Variants in HMCN2 observed in about 807,000 individuals in gnomAD.
The protein encoded by HMCN2 is hemicentin 2.
In HMCN2, 325 loss-of-function variants were observed where a neutral mutation model predicts 377.5. The observed-to-expected ratio is 0.86, with a 90% confidence interval of 0.79 to 0.94. The LOEUF (loss-of-function observed/expected upper bound fraction) is 0.94, where lower values mean the gene tolerates loss of function less well. Ranked by LOEUF, HMCN2 falls within the 40% of genes least tolerant of loss-of-function variation. The pLI is 0.00. For missense variants in HMCN2, 4,543 were observed against 4,725.3 expected, an observed-to-expected ratio of 0.96 and a Z score of 1.13; for synonymous variants, 2,007 against 2,046.8, an observed-to-expected ratio of 0.98 and a Z score of 0.53.
Position 130,364,845 on chromosome 9 carries a change from C to A in HMCN2, c.6364C>A (p.Pro2122Thr), listed in dbSNP as rs1840606021. The A allele has an allele frequency of 1.0e-6, 1 of 985,918 alleles. No homozygotes were observed. Among genetic ancestry groups the A allele is most frequent in the African/African-American group, 1.7e-5 (1 of 57,256 alleles). The allele number at this position is 985,918 out of a possible 1,614,324, so 61.1% of individuals were successfully genotyped here. A position where few individuals can be genotyped will look rare whatever the true frequency, so the allele number is the denominator to read the frequency against. Residue 2122 changes from proline (P) to threonine (T), a missense_variant, in exon 41 of 98, where the codon CCA (proline) becomes ACA (threonine). Coordinates refer to ENST00000683500, the MANE Select transcript of HMCN2 (RefSeq NM_001291815.2). ...GTGGAAGGACGGGCGGCCCCTGGAA[C>A]CACGGCCTGGAGTCCACCTCTCCGC... ...SWWKDGRPLE[P>T]RPGVHLSADK...
chr9:130,423,036 A>G lies in HMCN2; in HGVS notation c.13381+310A>G, dbSNP rs928866392. On this transcript the variant is annotated intron_variant, in intron 87 of 97. Coordinates refer to ENST00000683500, the MANE Select transcript of HMCN2 (RefSeq NM_001291815.2). This position sits in a 1 kb window ranked among gnomAD's most constrained non-coding sequence, Gnocchi z 5.5. ...CGCTCAGATTGTGGTTTCCCAAGCC[A>G]CCGATGGCTCCCTGAGGCTTTTCCC... Among the ~76,000 whole-genome samples, 4 of 152,214 alleles carry G rather than the reference A, an allele frequency of 2.6e-5. No individual in the cohort carries two copies. The highest frequency in any genetic ancestry group is 9.6e-5 in the African/African-American group (4 of 41,460).
Position 130,390,964 on chromosome 9 carries a change from C to A in HMCN2, c.9524-13C>A, listed in dbSNP as rs1228166310. 10 of 986,460 alleles carry A rather than the reference C, an allele frequency of 1.0e-5. No homozygotes were observed. In the East Asian group the frequency reaches 1.0e-3, roughly 101 times the overall value. 61.1% of individuals were successfully genotyped at this position (986,460 alleles called of 1,614,324 possible). The stretch of plus-strand genomic sequence containing the variant: ...AGGGGCTGGGGGATTCAGGGGACCC[C>A]TCTGTCCCACAGAGAGCAGCGCGGT... On this transcript the variant is annotated splice_polypyrimidine_tract_variant and intron_variant, in intron 62 of 97. Transcript: ENST00000683500.
rs1274377191 is a variant in HMCN2 at position 130,397,178 on chromosome 9, GGAAAGGA to G, written c.11199-348_11199-342del. ...GGGAGGCCTCACAATCATGGTGGAA[GGAAAGGA>G]GGAACAAGTTACATCTTACGTGGAT... On this transcript the variant is annotated intron_variant, in intron 73 of 97. Transcript: ENST00000683500. 8.5e-5 allele frequency among the ~76,000 whole-genome samples: 13 copies of G among 152,370 alleles called. No individual in the cohort carries two copies. In the South Asian group the frequency reaches 1.4e-3, roughly 17 times the overall value.
At position 130,286,222 on chromosome 9, in the gene HMCN2, G is replaced by A. The variant is rs6478957; in HGVS notation, c.524G>A (p.Arg175His). The change falls in exon 4 of 98, where the codon CGC becomes CAC. Residue 175 changes from arginine to histidine, a missense_variant. Physicochemically the swap from Arg to His is conservative, Grantham distance 29 (BLOSUM62 0). Transcript: ENST00000683500. ...GTGCTGACGGGGGACTGTGGCGACC[G>A]CACCCATCCTGGCTACCTGGCTTAT... The part of the protein sequence containing the change: ...VFVLTGDCGD[R>H]THPGYLAYEE... The A allele has an allele frequency of 0.59, 278,446 of 470,668 alleles. 85,602 individuals carry two copies. Among genetic ancestry groups the A allele is most frequent in the East Asian group, 0.87 (12,433 of 14,352 alleles). 29.2% of individuals were successfully genotyped at this position (470,668 alleles called of 1,614,324 possible). A position where few individuals can be genotyped will look rare whatever the true frequency, so the allele number is the denominator to read the frequency against.
In HMCN2 at chr9:130,422,912, G is replaced by A. The variant is rs1844103857; in HGVS notation, c.13381+186G>A. Among the ~76,000 whole-genome samples, 1 of 152,158 alleles carries A rather than the reference G, an allele frequency of 6.6e-6. No individual in the cohort carries two copies. The highest frequency in any genetic ancestry group is 2.4e-5 in the African/African-American group (1 of 41,432). Reference sequence around the variant, plus strand: ...CAATCCAAAGTGGACTCAGATGCAGGCAACTTCCTGTCCCCCTCACAACCT... The same window carrying A: ...CAATCCAAAGTGGACTCAGATGCAGACAACTTCCTGTCCCCCTCACAACCT... On this transcript the variant is annotated intron_variant, in intron 87 of 97. Transcript: ENST00000683500. This position sits in a 1 kb window ranked among gnomAD's most constrained non-coding sequence, Gnocchi z 4.2.
chr9:130,321,001 G>C (rs1468003314), intron 18 of HMCN2, 98 bp downstream of exon 18: 1 of 152,274 alleles, frequency 6.6e-6, no homozygotes, highest in African/African-American at 2.4e-5. Flanking sequence ...CTGTTTCCCC[G>C]CCTGGGAGTG....
rs1411963775 is a variant in HMCN2 at position 130,366,007 on chromosome 9, G to A, written c.6625+12G>A. The A allele has an allele frequency of 1.0e-6, 1 of 985,896 alleles. No individual in the cohort carries two copies. Among genetic ancestry groups the A allele is most frequent in the Non-Finnish European group, 1.2e-6 (1 of 830,090 alleles). 61.1% of individuals were successfully genotyped at this position (985,896 alleles called of 1,614,324 possible). A position where few individuals can be genotyped will look rare whatever the true frequency, so the allele number is the denominator to read the frequency against. On this transcript the variant is annotated intron_variant, in intron 43 of 97. Coordinates refer to ENST00000683500, the MANE Select transcript of HMCN2 (RefSeq NM_001291815.2). ...CTGGAGGAAGGACGGTAGGATTGCT[G>A]CCCTCACCCAGCCCCACCTCATTGC... is the stretch of plus-strand genomic sequence containing the variant.
At chr9:130,277,630 G>T (rs1216870479) in intron 1 of HMCN2, among the ~76,000 whole-genome samples, 1 of 152,102 alleles carries the variant, frequency 6.6e-6, no homozygotes, top group East Asian at 1.9e-4. Context: ...CAAATGCTTA[G>T]AACAAAACTT....
At position 130,430,462 on chromosome 9, in the gene HMCN2, G is replaced by A; in HGVS notation, c.14505G>A (p.Leu4835=). The A allele has an allele frequency of 6.4e-7, 1 of 1,550,608 alleles. No homozygotes were observed. The highest frequency in any genetic ancestry group is 8.7e-7 in the Non-Finnish European group (1 of 1,146,982). ...CCGTCAGCCACCGAGGCCCTCTATT[G>A]CCCTGGCTGCGGCCCTGGGCCTCGA... ...VTTVSHRGPL[L]PWLRPWASIP... is the part of the protein sequence containing the mutation. The change falls in exon 95 of 98, where the codon TTG becomes TTA. Residue 4835 remains leucine (L), a synonymous_variant. Transcript: ENST00000683500.
intron 95 of HMCN2, chr9:130,430,820 T>G (rs1398762716): frequency 1.1e-5 from 6 of 569,058 alleles, no homozygotes; most frequent in Non-Finnish European, 1.5e-5. Flanking sequence ...TGTGGACTAT[T>G]TTTTAAACCA....
chr9:130,294,144 G>A (rs1554931062), intron 4 of HMCN2, among the ~76,000 whole-genome samples: 2 of 152,220 alleles, frequency 1.3e-5, no homozygotes, highest in East Asian at 3.9e-4. Context: ...TGTGGTAGGG[G>A]GAGTATCTCT....
chr9:130,344,711 AGT>A (rs1250809898), intron 25 of HMCN2, among the ~76,000 whole-genome samples: 2 of 128,672 alleles, frequency 1.6e-5, no homozygotes, highest in African/African-American at 6.1e-5. Flanking sequence ...TATGATGTGT[AGT>A]GTGTGGTGCG....
intron 95 of HMCN2, chr9:130,430,808 G>T (rs1844699451): frequency 1.7e-6 from 1 of 580,018 alleles, no homozygotes; most frequent in Non-Finnish European, 3.0e-6. Flanking sequence ...CTTCCAAGAT[G>T]GTGTGGACTA....
Position 130,431,240 on chromosome 9 carries a change from G to C in HMCN2, c.14648-127G>C. 6 of 974,436 alleles carry C rather than the reference G, an allele frequency of 6.2e-6. No individual in the cohort carries two copies. In the South Asian group the frequency reaches 9.7e-5, roughly 16 times the overall value. The allele number at this position is 974,436 out of a possible 1,614,324, so 60.4% of individuals were successfully genotyped here. On this transcript the variant is annotated intron_variant, in intron 95 of 97. Transcript: ENST00000683500. ...CCCTGAACCTGGGCTGGGAGGGGCA[G>C]GACAGGGAGAAGGAGCAGGGCAGCT...
rs1445174215 is a variant in HMCN2 at position 130,418,908 on chromosome 9, C to T, written c.13098C>T (p.Ser4366=). Residue 4366 remains serine, a synonymous_variant, in exon 86 of 98, where the codon AGC becomes AGT. Transcript: ENST00000683500. The part of the protein sequence containing the change: ...WLQAGQPLRA[S]RRLRTLPDGS... Reference sequence around the variant, plus strand: ...AGGCGGGTCAACCCTTGCGGGCCAGCCGGCGGCTCCGGACCCTGCCCGATG... The same window carrying T: ...AGGCGGGTCAACCCTTGCGGGCCAGTCGGCGGCTCCGGACCCTGCCCGATG... 7 of 1,549,266 alleles carry T rather than the reference C, an allele frequency of 4.5e-6. No homozygotes were observed. In the Admixed American group the frequency reaches 9.8e-5, roughly 22 times the overall value.
rs941054624 is a variant in HMCN2, at chr9:130,304,025, C to A, written c.1543+417C>A. ...GAAATTGGCTTTATTTGAAAAATTA[C>A]GAACGCAAGCTGCTTTGTAGAGAAA... On this transcript the variant is annotated intron_variant, in intron 10 of 97. Transcript: ENST00000683500. This position sits in a 1 kb window ranked among gnomAD's most constrained non-coding sequence, Gnocchi z 4.3. Among the ~76,000 whole-genome samples, 1 of 152,174 alleles carries A rather than the reference C, an allele frequency of 6.6e-6. No homozygotes were observed. Among genetic ancestry groups the A allele is most frequent in the African/African-American group, 2.4e-5 (1 of 41,436 alleles).
At chr9:130,388,678 C>G (rs1256619224) in intron 62 of HMCN2, 138 bp downstream of exon 62, 1 of 378,780 alleles carries the variant, frequency 2.6e-6, no homozygotes, top group Non-Finnish European at 3.6e-6. Context: ...TGTTGCCCCC[C>G]CCCCCACCAT....
chr9:130,413,771 G>A (rs1441798273), intron 85 of HMCN2, among the ~76,000 whole-genome samples: 1 of 152,012 alleles, frequency 6.6e-6, no homozygotes, highest in Non-Finnish European at 1.5e-5. Context: ...ACACACGGGG[G>A]CATGTGCACC....
At chr9:130,386,082 C>G (rs1414319788) in intron 60 of HMCN2, among the ~76,000 whole-genome samples, 1 of 152,166 alleles carries the variant, frequency 6.6e-6, no homozygotes, top group African/African-American at 2.4e-5. Flanking sequence ...TGCCCTCCCT[C>G]CCTCCTTCCG....
Sources: gnomAD v4.1 joint callset for allele counts (sites outside exome capture counted in the v4.1 genomes callset) on GRCh38, gnomAD v4.1.1 for gene constraint, Gnocchi (gnomAD v3.1) non-coding constraint, MANE v1.5 for transcripts, NCBI Gene and HGNC (gene_info 2026-07-23, HGNC 2026-07-21) for gene names.